The following STARD13 variants were observed in gnomAD, a reference collection of about 807,000 sequenced individuals.
STARD13 encodes the protein stAR-related lipid transfer protein 13.
A neutral mutation model predicts 106.4 loss-of-function variants in STARD13; 62 were observed. The ratio of observed to expected loss-of-function variants is 0.58; its 90% CI spans 0.48 to 0.72. STARD13 has a LOEUF of 0.72. Ranked by LOEUF, STARD13 falls within the 30% of genes least tolerant of loss-of-function variation. The probability of loss-of-function intolerance (pLI) is 0.00; values close to 1 mark genes in which losing one functional copy is unlikely to be tolerated. For missense variants in STARD13, 1,387 were observed against 1,424.0 expected (o/e 0.97, Z 0.42); for synonymous variants, 565 against 553.0 (o/e 1.02, Z -0.31).
At chr13:33,296,555 C>G (rs73179068) in intron 1 of STARD13, among the ~76,000 whole-genome samples, 24,949 of 152,118 alleles carry the variant, frequency 0.16, 2,763 homozygotes, top group Non-Finnish European at 0.23. Context: ...GCATCTCCCC[C>G]ATTCCGCATC....
At chr13:33,231,263 G>C (rs528232855) in intron 1 of STARD13, among the ~76,000 whole-genome samples, 2 of 152,310 alleles carry the variant, frequency 1.3e-5, no homozygotes, top group African/African-American at 2.4e-5. Flanking sequence ...CGGTGCATAA[G>C]GCCCTGGACA....
the STARD13 span, among the ~76,000 whole-genome samples, chr13:33,532,155 A>C: frequency 6.6e-6 from 1 of 152,100 alleles, no homozygotes; most frequent in Non-Finnish European, 1.5e-5. Context: ...CTTCAGGAAG[A>C]TCTCATAGTC....
intron 1 of STARD13, chr13:33,274,089 T>A (rs1033768768): frequency 1.4e-4 from 2 of 14,340 alleles, no homozygotes; most frequent in Non-Finnish European, 4.8e-4. Flanking sequence ...AAAATCAGTC[T>A]GTCTTTTTTT....
At chr13:33,236,094 A>G (rs1008840261) in intron 1 of STARD13, among the ~76,000 whole-genome samples, 4 of 152,154 alleles carry the variant, frequency 2.6e-5, no homozygotes, top group Non-Finnish European at 4.4e-5. Flanking sequence ...TTTATTACAA[A>G]TCGTGAGTAA....
chr13:33,608,789 A>G, the STARD13 span, among the ~76,000 whole-genome samples: 1 of 152,194 alleles, frequency 6.6e-6, no homozygotes, highest in Non-Finnish European at 1.5e-5. Context: ...TAAAAAAAGG[A>G]TGAAATATTG....
the STARD13 span, among the ~76,000 whole-genome samples, chr13:33,635,255 CG>C: frequency 7.2e-6 from 1 of 138,048 alleles, no homozygotes; most frequent in African/African-American, 3.4e-5. Flanking sequence ...CCAGACTGCC[CG>C]GGGTTAAAAT....
chr13:33,372,447 C>G, the STARD13 span, among the ~76,000 whole-genome samples: 1 of 151,432 alleles, frequency 6.6e-6, no homozygotes, highest in Non-Finnish European at 1.5e-5. Context: ...GAAGTTGTTT[C>G]ATAATTCAGA....
chr13:33,414,663 T>C, the STARD13 span, among the ~76,000 whole-genome samples: 1 of 152,110 alleles, frequency 6.6e-6, no homozygotes, highest in Non-Finnish European at 1.5e-5. Flanking sequence ...GGGAAGTGGA[T>C]GTGACTACGG....
chr13:33,218,225 C>G (rs1219836768), intron 1 of STARD13, among the ~76,000 whole-genome samples: 1 of 152,154 alleles, frequency 6.6e-6, no homozygotes, highest in Admixed American at 6.6e-5. Context: ...CCAGGAGTGG[C>G]CAACCAGAGA....
exon 2 of STARD13, chr13:33,348,837 C>A (rs2078042286): frequency 1.5e-5 from 5 of 330,870 alleles, no homozygotes; most frequent in African/African-American, 6.2e-5. Context: ...CTTAGGTGCA[C>A]ACTAAATGTG....
the STARD13 span, among the ~76,000 whole-genome samples, chr13:33,470,516 T>C: frequency 3.3e-5 from 5 of 152,250 alleles, no homozygotes; most frequent in African/African-American, 1.2e-4. Flanking sequence ...TCCACAATGG[T>C]TGAACTAATT....
intron 1 of STARD13, chr13:33,278,813 T>A (rs909601126): frequency 2.0e-4 from 31 of 152,214 alleles, no homozygotes; most frequent in African/African-American, 7.2e-4. Context: ...ATGTGATATA[T>A]CTTCCTAGTT....
At chr13:33,212,118 G>A (rs1290580655) in intron 1 of STARD13, among the ~76,000 whole-genome samples, 1 of 152,150 alleles carries the variant, frequency 6.6e-6, no homozygotes, top group African/African-American at 2.4e-5. Context: ...CAGGGGACCA[G>A]ACCAAGGAAC....
chr13:33,461,381 G>GTGCT, the STARD13 span, among the ~76,000 whole-genome samples: 1 of 152,166 alleles, frequency 6.6e-6, no homozygotes, highest in Non-Finnish European at 1.5e-5. Flanking sequence ...ACAATGCTAA[G>GTGCT]TGCTTGTGCT....
Position 33,242,521 on chromosome 13 carries a change from C to T in STARD13, c.169+42949G>A, listed in dbSNP as rs562284662. Among the ~76,000 whole-genome samples the T allele has an allele frequency of 2.1e-4, 32 of 151,628 alleles. 1 individual carries two copies. In the East Asian group the frequency reaches 4.1e-3, roughly 19 times the overall value. On this transcript the variant is annotated intron_variant, in intron 1 of 13. Transcript: ENST00000336934. Reference sequence around the variant, plus strand: ...TAAATGGATTAAGGGCGGTGCAAGACGTGCTTTGTTAAACAGATGCTTGAA... The same window carrying T: ...TAAATGGATTAAGGGCGGTGCAAGATGTGCTTTGTTAAACAGATGCTTGAA...
the STARD13 span, among the ~76,000 whole-genome samples, chr13:33,652,070 C>A: frequency 6.6e-6 from 1 of 152,170 alleles, no homozygotes. Context: ...GAATTCCTGA[C>A]CCACAAGATT....
the STARD13 span, among the ~76,000 whole-genome samples, chr13:33,445,064 A>AT: frequency 4.7e-4 from 72 of 152,058 alleles, no homozygotes; most frequent in Non-Finnish European, 8.1e-4. Flanking sequence ...CATTCAGATA[A>AT]TTTTTTTTGG....
chr13:33,208,835 C>G, intron 1 of STARD13, among the ~76,000 whole-genome samples: 1 of 152,122 alleles, frequency 6.6e-6, no homozygotes, highest in Admixed American at 6.5e-5. Context: ...TATTTGCAGA[C>G]AGGTGTACAC....
intron 1 of STARD13, among the ~76,000 whole-genome samples, chr13:33,171,660 G>A (rs1007931023): frequency 6.6e-6 from 1 of 152,180 alleles, no homozygotes; most frequent in African/African-American, 2.4e-5. Context: ...GTTAGTCTAA[G>A]GAGACCAATA....
Sources: allele counts gnomAD v4.1 joint callset (sites outside exome capture counted in the v4.1 genomes callset), GRCh38; gene constraint gnomAD v4.1.1; transcripts MANE v1.5; gene names NCBI Gene and HGNC (gene_info 2026-07-23, HGNC 2026-07-21).